Variants in XG observed in about 807,000 individuals in gnomAD.
The protein encoded by XG is glycoprotein Xg.
XG carries 24 observed loss-of-function variants against 25.7 expected under a neutral mutation model. The ratio of observed to expected loss-of-function variants is 0.93; its 90% CI spans 0.68 to 1.31. The LOEUF (loss-of-function observed/expected upper bound fraction) is 1.31, where lower values mean the gene tolerates loss of function less well. XG is among the 40% of genes most tolerant of loss of function. XG has a pLI of 0.00. For synonymous variants in XG, 77 were observed against 69.2 expected, an observed-to-expected ratio of 1.11 and a Z score of -0.56; for missense variants, 181 against 187.6, an observed-to-expected ratio of 0.96 and a Z score of 0.21.
At position 2,783,184 on chromosome X, in the gene XG, C is replaced by A. The variant is rs780115862; in HGVS notation, c.190+1056C>A. Among the ~76,000 whole-genome samples the A allele has an allele frequency of 5.4e-5, 6 of 111,789 alleles. No individual in the cohort carries two copies. In the South Asian group the frequency reaches 2.3e-3, roughly 42 times the overall value. On this transcript the variant is annotated intron_variant, in intron 4 of 10. Coordinates refer to ENST00000644266, the MANE Select transcript of XG (RefSeq NM_001141919.2). ...AGTGCTCCAAATACCTTTGGCTTAACCATTCCCAAACCCCCACGTGTGCTG... is the reference window on the plus strand; with the variant it reads ...AGTGCTCCAAATACCTTTGGCTTAAACATTCCCAAACCCCCACGTGTGCTG...
At chrX:2,771,259 A>G (rs311148) in intron 2 of XG, among the ~76,000 whole-genome samples, 6 of 150,630 alleles carry the variant, frequency 4.0e-5, no homozygotes, top group African/African-American at 1.5e-4. Context: ...CTTACACTTC[A>G]GTTCATATCC....
chrX:2,777,449 CA>C lies in XG; in HGVS notation c.127+2712del, dbSNP rs367823270. On this transcript the variant is annotated intron_variant, in intron 3 of 10. Transcript: ENST00000644266. Reference sequence around the variant, plus strand: ...AGTAAAATTAAATACCAAAATTAGCCAAGTGTTGTGGTGAATGCCTGTAGTC... The same window carrying C: ...AGTAAAATTAAATACCAAAATTAGCCAGTGTTGTGGTGAATGCCTGTAGTC... Among the ~76,000 whole-genome samples the C allele has an allele frequency of 3.9e-3, 599 of 151,730 alleles. 5 individuals carry two copies. Among genetic ancestry groups the C allele is most frequent in the African/African-American group, 0.014 (564 of 41,358 alleles).
chrX:2,796,908 A>G (rs2147079173), intron 6 of XG, among the ~76,000 whole-genome samples: 1 of 112,128 alleles, frequency 8.9e-6, no homozygotes, highest in Admixed American at 9.5e-5. Flanking sequence ...ATTACTAGTT[A>G]TTTTTGAAAG....
chrX:2,792,214 G>A (rs187750201), intron 5 of XG, among the ~76,000 whole-genome samples: 4 of 111,911 alleles, frequency 3.6e-5, no homozygotes, highest in East Asian at 5.6e-4. Context: ...CCTGGGAGGC[G>A]GAGTTCAGTT....
intron 5 of XG, among the ~76,000 whole-genome samples, chrX:2,793,878 G>A (rs1603457670): frequency 9.0e-6 from 1 of 111,502 alleles, no homozygotes; most frequent in East Asian, 2.9e-4. Flanking sequence ...AGAAGCCTGG[G>A]GGAGGTGCCT....
At chrX:2,761,854 C>T (rs1347752569) in intron 1 of XG, among the ~76,000 whole-genome samples, 1 of 152,206 alleles carries the variant, frequency 6.6e-6, no homozygotes, top group Non-Finnish European at 1.5e-5. Flanking sequence ...CTTCCAGCTT[C>T]CAGGACTGTG....
intron 1 of XG, among the ~76,000 whole-genome samples, chrX:2,758,361 T>G (rs373251777): frequency 7.2e-5 from 11 of 152,234 alleles, no homozygotes; most frequent in African/African-American, 2.6e-4. Flanking sequence ...GTCAGGCATT[T>G]GGGAGCTGGG....
intron 1 of XG, among the ~76,000 whole-genome samples, chrX:2,762,218 G>A (rs1035451712): frequency 2.4e-4 from 36 of 152,084 alleles, no homozygotes; most frequent in African/African-American, 7.5e-4. Flanking sequence ...CTTCCTCTTC[G>A]ACGACAAAAT....
At chrX:2,799,158 C>T (rs1292073810) in intron 7 of XG, among the ~76,000 whole-genome samples, 2 of 110,459 alleles carry the variant, frequency 1.8e-5, no homozygotes, top group East Asian at 2.8e-4. Flanking sequence ...TGTTTGTCAC[C>T]GGGGTTTGGT....
At chrX:2,799,128 G>C (rs1197374185) in intron 7 of XG, among the ~76,000 whole-genome samples, 13 of 110,859 alleles carry the variant, frequency 1.2e-4, no homozygotes, top group African/African-American at 3.6e-4. Flanking sequence ...TCCTTGTGTA[G>C]GGTTGTTACA....
At chrX:2,773,968 C>G (rs1459898200) in intron 2 of XG, among the ~76,000 whole-genome samples, 1 of 152,124 alleles carries the variant, frequency 6.6e-6, no homozygotes, top group African/African-American at 2.4e-5. Flanking sequence ...GGTTCAAGCT[C>G]TCCTTCTTGC....
intron 3 of XG, among the ~76,000 whole-genome samples, chrX:2,781,202 T>C (rs2051112805): frequency 6.6e-6 from 1 of 151,494 alleles, no homozygotes; most frequent in South Asian, 2.1e-4. Flanking sequence ...CCCAGGACTT[T>C]CCCGGGCCTT....
At chrX:2,756,446 G>A (rs1177192351) in intron 1 of XG, among the ~76,000 whole-genome samples, 6 of 152,104 alleles carry the variant, frequency 3.9e-5, no homozygotes, top group Admixed American at 2.6e-4. Flanking sequence ...TAGAAGAGTC[G>A]GAATGGTTCT....
At chrX:2,760,165 G>A (rs765688198) in intron 1 of XG, among the ~76,000 whole-genome samples, 1 of 151,942 alleles carries the variant, frequency 6.6e-6, no homozygotes, top group African/African-American at 2.4e-5. Flanking sequence ...GGGCAACAGA[G>A]CGAGACTCTG....
chrX:2,779,598 T>C (rs2051075506), intron 3 of XG, among the ~76,000 whole-genome samples: 1 of 152,150 alleles, frequency 6.6e-6, no homozygotes, highest in Non-Finnish European at 1.5e-5. Context: ...AAGTCTCTGA[T>C]ATAAAACGTG....
At chrX:2,783,894 G>C (rs939431742) in intron 4 of XG, among the ~76,000 whole-genome samples, 2 of 111,937 alleles carry the variant, frequency 1.8e-5, no homozygotes, top group African/African-American at 6.5e-5. Flanking sequence ...AGAATTACTT[G>C]AATCCAGGAG....
rs1466734355 is a variant in XG, at chrX:2,780,028, A to G, written c.128-2038A>G. Among the ~76,000 whole-genome samples, 9 of 152,060 alleles carry G rather than the reference A, an allele frequency of 5.9e-5. No individual in the cohort carries two copies. In the East Asian group the frequency reaches 1.7e-3, roughly 29 times the overall value. The stretch of plus-strand genomic sequence containing the variant: ...GCTATGCAAATAGTTGTTATACTAT[A>G]TTATTTTTTATTTGTATTACTTTTT... On this transcript the variant is annotated intron_variant, in intron 3 of 10. Coordinates refer to ENST00000644266, the MANE Select transcript of XG (RefSeq NM_001141919.2).
rs369544322 is a variant in XG at position 2,767,363 on chromosome X, C to T, written c.62-3187C>T. ...CATCCACCAACAGGAGCCACTTAAT[C>T]GACATCTCCAGGATGCCAGCAACCG... On this transcript the variant is annotated intron_variant, in intron 1 of 10. Transcript: ENST00000644266. 5.3e-4 allele frequency among the ~76,000 whole-genome samples: 80 copies of T among 152,148 alleles called. 1 individual carries two copies. In the East Asian group the frequency reaches 6.2e-3, roughly 12 times the overall value.
chrX:2,783,224 T>C (rs2086748839), intron 4 of XG, among the ~76,000 whole-genome samples: 1 of 110,519 alleles, frequency 9.0e-6, no homozygotes, highest in Admixed American at 9.7e-5. Context: ...CTTTATGTGT[T>C]TTAGAGTTGG....
Sources: gnomAD v4.1 joint callset for allele counts (sites outside exome capture counted in the v4.1 genomes callset) on GRCh38, gnomAD v4.1.1 for gene constraint, MANE v1.5 for transcripts, NCBI Gene and HGNC (gene_info 2026-07-23, HGNC 2026-07-21) for gene names.